Variants in KCND2 observed in about 807,000 individuals in gnomAD.
KCND2 encodes potassium voltage-gated channel subfamily D member 2, also known as A-type voltage-gated potassium channel KCND2.
A neutral mutation model predicts 54.4 loss-of-function variants in KCND2; 16 were observed. That is an observed-to-expected ratio of 0.29 (90% CI 0.20 to 0.45). The LOEUF (loss-of-function observed/expected upper bound fraction) is 0.45, where lower values mean the gene tolerates loss of function less well. KCND2 is among the 20% of genes least tolerant of loss of function. The pLI is 1.00. For synonymous variants in KCND2, 317 were observed against 310.7 expected (o/e 1.02, Z -0.21); for missense variants, 486 against 824.2 (o/e 0.59, Z 5.02).
At position 120,637,835 on chromosome 7, in the gene KCND2, A is replaced by T. The variant is rs76980048; in HGVS notation, c.1116-95068A>T. On this transcript the variant is annotated intron_variant, in intron 1 of 5. Transcript: ENST00000331113. ...TAAACATCATAGAGTTCTAGGACCT[A>T]GCTTGAAGAACTTAGCTCCTGTGTG... Among the ~76,000 whole-genome samples the T allele has an allele frequency of 6.3e-3, 961 of 152,212 alleles. 10 individuals carry two copies. Among genetic ancestry groups the T allele is most frequent in the Non-Finnish European group, 0.01 (680 of 67,944 alleles).
intron 1 of KCND2, among the ~76,000 whole-genome samples, chr7:120,521,906 A>G (rs1791700438): frequency 6.6e-6 from 1 of 152,132 alleles, no homozygotes; most frequent in African/African-American, 2.4e-5. Context: ...GAGTTGTGAC[A>G]TTTCTGGATC....
At chr7:120,469,999 G>T (rs147166597) in intron 1 of KCND2, among the ~76,000 whole-genome samples, 1 of 152,116 alleles carries the variant, frequency 6.6e-6, no homozygotes, top group East Asian at 1.9e-4. Flanking sequence ...TGAGATTATG[G>T]CTAGTAATTT....
rs1444908129 is a variant in KCND2, at chr7:120,292,370, A to G, written c.1115+16623A>G. On this transcript the variant is annotated intron_variant, in intron 1 of 5. Coordinates refer to ENST00000331113, the MANE Select transcript of KCND2 (RefSeq NM_012281.3). ...ATCCAAATACCTTTTGTTTCACCTT[A>G]GTGGCAAGTCATTATATTCTATCAT... Among the ~76,000 whole-genome samples, 3 of 151,822 alleles carry G rather than the reference A, an allele frequency of 2.0e-5. No individual in the cohort carries two copies. In the East Asian group the frequency reaches 5.8e-4, roughly 29 times the overall value.
chr7:120,616,946 G>A (rs746317180), intron 1 of KCND2, among the ~76,000 whole-genome samples: 34 of 152,078 alleles, frequency 2.2e-4, no homozygotes, highest in Admixed American at 1.0e-3. Flanking sequence ...GAGCACAACA[G>A]ACACATTAGC....
intron 1 of KCND2, among the ~76,000 whole-genome samples, chr7:120,543,739 A>G (rs1327118970): frequency 6.6e-6 from 1 of 151,950 alleles, no homozygotes; most frequent in Non-Finnish European, 1.5e-5. Flanking sequence ...TATTCCTTTT[A>G]TCTTTCCTTT....
At chr7:120,620,979 A>G (rs1793090292) in intron 1 of KCND2, among the ~76,000 whole-genome samples, 1 of 152,158 alleles carries the variant, frequency 6.6e-6, no homozygotes. Flanking sequence ...GGTTCCTTAA[A>G]GAAGAACCAT....
chr7:120,567,962 T>A (rs59156163), intron 1 of KCND2, among the ~76,000 whole-genome samples: 12,915 of 152,186 alleles, frequency 0.085, 630 homozygotes, highest in South Asian at 0.09. Context: ...TATTCTTGAA[T>A]TTAACCAATT....
intron 1 of KCND2, among the ~76,000 whole-genome samples, chr7:120,279,645 A>G (rs1393623524): frequency 6.6e-6 from 1 of 151,990 alleles, no homozygotes; most frequent in Admixed American, 6.6e-5. Context: ...AAAACTTAGC[A>G]TAATTGCCAT....
intron 1 of KCND2, among the ~76,000 whole-genome samples, chr7:120,483,363 A>C (rs572712441): frequency 6.6e-6 from 1 of 152,222 alleles, no homozygotes; most frequent in East Asian, 1.9e-4. Context: ...AGAAAAGCTC[A>C]ATAGGCAACT....
At chr7:120,421,731 A>G (rs1368709413) in intron 1 of KCND2, among the ~76,000 whole-genome samples, 2 of 152,234 alleles carry the variant, frequency 1.3e-5, no homozygotes, top group East Asian at 1.9e-4. Context: ...AGTTATGGCA[A>G]TACAAATACT....
At chr7:120,454,139 A>C (rs1276502190) in intron 1 of KCND2, among the ~76,000 whole-genome samples, 1 of 152,162 alleles carries the variant, frequency 6.6e-6, no homozygotes, top group Non-Finnish European at 1.5e-5. Flanking sequence ...ACCTAACATC[A>C]CACCAAGAAC....
chr7:120,487,036 A>G (rs1281106461), intron 1 of KCND2, among the ~76,000 whole-genome samples: 1 of 152,224 alleles, frequency 6.6e-6, no homozygotes, highest in Non-Finnish European at 1.5e-5. Context: ...TGAAAGCCAT[A>G]AATTGTAAAA....
chr7:120,461,287 G>A (rs1042015899), intron 1 of KCND2, among the ~76,000 whole-genome samples: 6 of 152,150 alleles, frequency 3.9e-5, no homozygotes, highest in Non-Finnish European at 8.8e-5. Flanking sequence ...CTGATTCTCT[G>A]TGGAAAATAT....
At chr7:120,524,012 G>T (rs568023532) in intron 1 of KCND2, among the ~76,000 whole-genome samples, 30 of 152,128 alleles carry the variant, frequency 2.0e-4, no homozygotes, top group African/African-American at 6.7e-4. Context: ...AAGTTGGGCA[G>T]ATCACCTGAG....
intron 1 of KCND2, among the ~76,000 whole-genome samples, chr7:120,384,998 C>CTTT (rs372225817): frequency 0.62 from 51,436 of 82,354 alleles, 20,228 homozygotes; most frequent in South Asian, 0.87. Flanking sequence ...TTGTATATAA[C>CTTT]TTTTTTTTTT....
intron 2 of KCND2, among the ~76,000 whole-genome samples, chr7:120,738,119 T>C (rs1396396927): frequency 6.6e-6 from 1 of 152,084 alleles, no homozygotes; most frequent in Admixed American, 6.6e-5. Context: ...CACTGCATTC[T>C]AGCCTGTGAG....
chr7:120,741,518 A>AT lies in KCND2; in HGVS notation c.1279-10dup, dbSNP rs770202109. The AT allele has an allele frequency of 5.1e-6, 8 of 1,580,060 alleles. No homozygotes were observed. In the African/African-American group the frequency reaches 5.4e-5, roughly 11 times the overall value. On this transcript the variant is annotated splice_polypyrimidine_tract_variant and intron_variant, in intron 2 of 5. Transcript: ENST00000331113. ...ATTTATAAATGTTAATGGGATGTTTATTTTTTCTCCTATAGAAAGCTAGAC... is the reference window on the plus strand; with the variant it reads ...ATTTATAAATGTTAATGGGATGTTTATTTTTTTCTCCTATAGAAAGCTAGAC...
chr7:120,369,184 A>G (rs1800729373), intron 1 of KCND2, among the ~76,000 whole-genome samples: 1 of 151,830 alleles, frequency 6.6e-6, no homozygotes, highest in Admixed American at 6.6e-5. Context: ...TCAAATTAAT[A>G]TTTTTTAGGA....
chr7:120,586,837 C>T (rs1562880499), intron 1 of KCND2, among the ~76,000 whole-genome samples: 2 of 152,098 alleles, frequency 1.3e-5, no homozygotes, highest in South Asian at 2.1e-4. Context: ...CCTTACTTTT[C>T]AAGTCCCTTC....
Sources: gnomAD v4.1 joint callset for allele counts (sites outside exome capture counted in the v4.1 genomes callset) on GRCh38, gnomAD v4.1.1 for gene constraint, MANE v1.5 for transcripts, NCBI Gene and HGNC (gene_info 2026-07-23, HGNC 2026-07-21) for gene names.